The following TRPV6 variants were observed in gnomAD, a reference collection of about 807,000 sequenced individuals.
The protein encoded by TRPV6 is transient receptor potential cation channel subfamily V member 6, also known as Alu-binding protein with zinc finger domain.
A neutral mutation model predicts 79.0 loss-of-function variants in TRPV6; 39 were observed. The ratio of observed to expected loss-of-function variants is 0.49; its 90% CI spans 0.38 to 0.64. The LOEUF (loss-of-function observed/expected upper bound fraction) is 0.64. Ranked by LOEUF, TRPV6 falls within the 30% of genes least tolerant of loss-of-function variation. The pLI is 0.00. For synonymous variants in TRPV6, 373 were observed against 391.9 expected (o/e 0.95, Z 0.57); for missense variants, 813 against 1,011.1 (o/e 0.80, Z 2.66).
chr7:142,872,953 GT>G (rs1172953829), intron 13 of TRPV6, among the ~76,000 whole-genome samples: 1 of 152,114 alleles, frequency 6.6e-6, no homozygotes, highest in Non-Finnish European at 1.5e-5. Context: ...TTTTCTAGGT[GT>G]TTTTTAAATG....
chr7:142,885,254 A>G (rs1795280853), intron 1 of TRPV6, 135 bp downstream of exon 1: 4 of 1,080,616 alleles, frequency 3.7e-6, no homozygotes, highest in Non-Finnish European at 5.2e-6. Context: ...AATGCTCCCA[A>G]GGAGCCAGTC....
chr7:142,873,710 T>C lies in TRPV6; in HGVS notation c.1646A>G (p.Tyr549Cys), dbSNP rs750624044. 2.8e-5 allele frequency: 45 copies of C among 1,613,800 alleles called. 1 individual carries two copies. In the South Asian group the frequency reaches 4.5e-4, roughly 16 times the overall value. ...GGGGTCCTCTGTCTGGAAGATGATA[T>C]AGAAGGCTGCTCCACCCAAGGGGGT... The change falls in exon 13 of 15, where the codon TAT becomes TGT. Residue 549 changes from tyrosine (Y) to cysteine (C), a missense_variant. Tyr to Cys is a radical substitution (Grantham distance 194). Transcript: ENST00000359396. This position sits in a 1 kb window ranked among gnomAD's most constrained non-coding sequence, Gnocchi z 4.8.
Position 142,874,345 on chromosome 7 carries a change from AG to A in TRPV6, c.1572+145del, listed in dbSNP as rs1795007445. 7 of 1,268,232 alleles carry A rather than the reference AG, an allele frequency of 5.5e-6. No homozygotes were observed. The South Asian group carries it at 8.2e-5, about 15-fold the overall frequency. The allele number at this position is 1,268,232 out of a possible 1,614,324, so 78.6% of individuals were successfully genotyped here. A position where few individuals can be genotyped will look rare whatever the true frequency, so the allele number is the denominator to read the frequency against. On this transcript the variant is annotated intron_variant, in intron 11 of 14. Coordinates refer to ENST00000359396, the MANE Select transcript of TRPV6 (RefSeq NM_018646.6). ...GAAAAGGGTTTCTACATTTTTTAAA[AG>A]GATTGTTAAAAAAGAAGAAAAACAT...
chr7:142,873,535 T>C lies in TRPV6; in HGVS notation c.1821A>G (p.Thr607=). 3 of 1,614,074 alleles carry C rather than the reference T, an allele frequency of 1.9e-6. No individual in the cohort carries two copies. The highest frequency in any genetic ancestry group is 2.5e-6 in the Non-Finnish European group (3 of 1,180,014). The change falls in exon 13 of 15, where the codon ACA becomes ACG. Residue 607 remains threonine (T), a synonymous_variant. Coordinates refer to ENST00000359396, the MANE Select transcript of TRPV6 (RefSeq NM_018646.6). The surrounding 1 kb of genome is among the most constrained non-coding windows in gnomAD (Gnocchi z 4.8). ...CAATGAGGAGGTTGAGCATGAGCAGTGTGGCGATGATGGCAAAGGCAGCAT... is the reference window on the plus strand; with the variant it reads ...CAATGAGGAGGTTGAGCATGAGCAGCGTGGCGATGATGGCAAAGGCAGCAT...
chr7:142,877,532 A>G (rs534252270), intron 3 of TRPV6, 119 bp downstream of exon 3: 6 of 1,507,658 alleles, frequency 4.0e-6, no homozygotes, highest in Non-Finnish European at 5.3e-6. Context: ...CAGAGAAGAG[A>G]AAAAAAGAGT....
intron 13 of TRPV6, among the ~76,000 whole-genome samples, chr7:142,872,679 C>G (rs1794968640): frequency 6.6e-6 from 1 of 152,178 alleles, no homozygotes; most frequent in Admixed American, 6.5e-5. Flanking sequence ...GCCCCATTCC[C>G]AGGAGCACAG....
intron 1 of TRPV6, 83 bp downstream of exon 1, chr7:142,885,306 A>C: frequency 6.7e-7 from 1 of 1,487,380 alleles, no homozygotes; most frequent in Non-Finnish European, 9.0e-7. Context: ...GGTGCCAAAC[A>C]AAGACGGGAG....
Position 142,873,298 on chromosome 7 carries a change from G to T in TRPV6, c.1908+150C>A. On this transcript the variant is annotated intron_variant, in intron 13 of 14. Transcript: ENST00000359396. This position sits in a 1 kb window ranked among gnomAD's most constrained non-coding sequence, Gnocchi z 4.8. ...TATTGCCTGGTTGAATTGCTAATCA[G>T]TGCTTCTGTACATTTTGCATGATTT... 9.3e-7 allele frequency: 1 copy of T among 1,072,700 alleles called. No homozygotes were observed. Among genetic ancestry groups the T allele is most frequent in the Non-Finnish European group, 1.4e-6 (1 of 733,042 alleles). The allele number at this position is 1,072,700 out of a possible 1,614,324, so 66.4% of individuals were successfully genotyped here.
At chr7:142,872,517 T>G (rs1338275867) in intron 13 of TRPV6, 39 bp from the exon 14 acceptor site, 1 of 1,586,350 alleles carries the variant, frequency 6.3e-7, no homozygotes, top group East Asian at 2.3e-5. Context: ...GAGATGAGGC[T>G]GGGCGCAGAC....
At chr7:142,872,127 C>G (rs1794948699) in intron 14 of TRPV6, 138 bp from the exon 15 acceptor site, 1 of 1,256,640 alleles carries the variant, frequency 8.0e-7, no homozygotes, top group Admixed American at 2.8e-5. Context: ...TGGTGGATGC[C>G]TGGGTCACTG....
chr7:142,872,492 CA>C lies in TRPV6; in HGVS notation c.1909-15del. ...GGTGGCCACAATCTGCGTATGGGAACAAAAGGAGAAGTCAGAGATGAGGCTG... is the reference window on the plus strand; with the variant it reads ...GGTGGCCACAATCTGCGTATGGGAACAAAGGAGAAGTCAGAGATGAGGCTG... On this transcript the variant is annotated splice_polypyrimidine_tract_variant and intron_variant, in intron 13 of 14. Transcript: ENST00000359396. 6.2e-7 allele frequency: 1 copy of C among 1,608,180 alleles called. No homozygotes were observed. Among genetic ancestry groups the C allele is most frequent in the Non-Finnish European group, 8.5e-7 (1 of 1,177,172 alleles).
At chr7:142,876,371 T>C (rs1795068163) in intron 6 of TRPV6, 37 bp downstream of exon 6, 1 of 1,598,796 alleles carries the variant, frequency 6.3e-7, no homozygotes, top group Admixed American at 1.7e-5. Context: ...TTGAGGGTCA[T>C]TAGAAAGACA....
rs1344362024 is a variant in TRPV6 at position 142,877,986 on chromosome 7, C to G, written c.289G>C (p.Asp97His). The G allele has an allele frequency of 2.5e-6, 4 of 1,614,184 alleles. No homozygotes were observed. Among genetic ancestry groups the G allele is most frequent in the Non-Finnish European group, 3.4e-6 (4 of 1,180,038 alleles). Residue 97 changes from aspartate (D) to histidine (H), a missense_variant, in exon 2 of 15, where the codon GAT becomes CAT. Asp to His is a moderately conservative substitution (Grantham distance 81). This residue lies in a region of TRPV6 where 555 missense variants were observed against 631.0 expected (regional missense o/e 0.88). Coordinates refer to ENST00000359396, the MANE Select transcript of TRPV6 (RefSeq NM_018646.6). ...AGCAACTTGTTCAGGGCCTGGACAT[C>G]ATTATCTTTGGCAGCTAGAAGGAGA... is the stretch of plus-strand genomic sequence containing the variant.
At position 142,875,656 on chromosome 7, in the gene TRPV6, G is replaced by A; in HGVS notation, c.1054C>T (p.Pro352Ser). 6.2e-7 allele frequency: 1 copy of A among 1,613,574 alleles called. No homozygotes were observed. Among genetic ancestry groups the A allele is most frequent in the Non-Finnish European group, 8.5e-7 (1 of 1,179,846 alleles). Residue 352 changes from proline (P) to serine (S), a missense_variant, in exon 8 of 15, where the codon CCG becomes TCG. Coordinates refer to ENST00000359396, the MANE Select transcript of TRPV6 (RefSeq NM_018646.6). ...TTGAGGCTCACCAGCTCCTTCACCG[G>A]CGTCTGGTCCAGGATCTGGCGAGCC... is the stretch of plus-strand genomic sequence containing the variant.
chr7:142,875,710 A>C, intron 7 of TRPV6, 30 bp from the exon 8 acceptor site: 1 of 1,603,422 alleles, frequency 6.2e-7, no homozygotes, highest in African/African-American at 1.3e-5. Context: ...GGTGGCTCAG[A>C]GACCCTGACA....
At position 142,877,674 on chromosome 7, in the gene TRPV6, G is replaced by T. The variant is rs1435391489; in HGVS notation, c.446C>A (p.Pro149His). 15 of 1,614,154 alleles carry T rather than the reference G, an allele frequency of 9.3e-6. No individual in the cohort carries two copies. Among genetic ancestry groups the T allele is most frequent in the Non-Finnish European group, 1.3e-5 (15 of 1,180,024 alleles). ...ACCCTCATAGAGCTCAGATGTCATG[G>T]GCTCAAAGACCAGCTCCGGGGCAGC... is the stretch of plus-strand genomic sequence containing the variant. The change falls in exon 3 of 15, where the codon CCC becomes CAC. Residue 149 changes from proline to histidine, a missense_variant. Physicochemically the swap from Pro to His is moderately conservative, Grantham distance 77. Coordinates refer to ENST00000359396, the MANE Select transcript of TRPV6 (RefSeq NM_018646.6).
chr7:142,874,857 G>A, intron 10 of TRPV6, 47 bp downstream of exon 10: 1 of 1,608,712 alleles, frequency 6.2e-7, no homozygotes, highest in East Asian at 2.2e-5. Flanking sequence ...GAGTGGAACT[G>A]GAGCCCTGTT....
rs1273900766 is a variant in TRPV6 at position 142,876,754 on chromosome 7, C to T, written c.691G>A (p.Ala231Thr). 6.2e-7 allele frequency: 1 copy of T among 1,613,998 alleles called. No individual in the cohort carries two copies. The highest frequency in any genetic ancestry group is 1.3e-5 in the African/African-American group (1 of 74,896). ...CAGCTCTTACCCAGGGAGTCCTGGGCCCGGATGTCAGCTCCATGCTCAATG... is the reference window on the plus strand; with the variant it reads ...CAGCTCTTACCCAGGGAGTCCTGGGTCCGGATGTCAGCTCCATGCTCAATG... The change falls in exon 5 of 15, where the codon GCC (alanine) becomes ACC (threonine). Residue 231 changes from alanine (A) to threonine (T), a missense_variant. Physicochemically the swap from Ala to Thr is moderately conservative, Grantham distance 58. Transcript: ENST00000359396.
chr7:142,874,662 G>A lies in TRPV6; in HGVS notation c.1407-6C>T, dbSNP rs377757176. 8 of 1,611,364 alleles carry A rather than the reference G, an allele frequency of 5.0e-6. No homozygotes were observed. In the African/African-American group the frequency reaches 5.3e-5, roughly 11 times the overall value. On this transcript the variant is annotated splice_region_variant and splice_polypyrimidine_tract_variant and intron_variant, in intron 10 of 14. Transcript: ENST00000359396. ...CCATGAAGGCATAGGTGATGCTGGG[G>A]GAGCAGGGAGGAGGGTGATGAGGGG...
Sources: gnomAD v4.1 joint callset for allele counts (sites outside exome capture counted in the v4.1 genomes callset) on GRCh38, gnomAD v4.1.1 for gene constraint, gnomAD v4.1.1 regional missense constraint, Gnocchi (gnomAD v3.1) non-coding constraint, MANE v1.5 for transcripts, NCBI Gene and HGNC (gene_info 2026-07-23, HGNC 2026-07-21) for gene names.